The following LOXL2 variants were observed in gnomAD, a reference collection of about 807,000 sequenced individuals.
LOXL2 encodes lysyl oxidase like 2.
Under a neutral mutation model 93.0 loss-of-function variants are expected in LOXL2, and 70 were observed. That is an observed-to-expected ratio of 0.75 (90% CI 0.62 to 0.92). LOXL2 has a LOEUF of 0.92. Among genes scored for constraint, LOXL2 ranks in the 40% least tolerant of loss-of-function variants. The pLI is 0.00. For synonymous variants in LOXL2, 438 were observed against 413.2 expected, an observed-to-expected ratio of 1.06 and a Z score of -0.73; for missense variants, 973 against 1,054.9, an observed-to-expected ratio of 0.92 and a Z score of 1.08.
At chr8:23,346,438 A>C (rs1189530202) in intron 3 of LOXL2, among the ~76,000 whole-genome samples, 1 of 152,072 alleles carries the variant, frequency 6.6e-6, no homozygotes, top group Non-Finnish European at 1.5e-5. Flanking sequence ...AGTGATTTGC[A>C]CCCGTTCCTA....
intron 1 of LOXL2, among the ~76,000 whole-genome samples, chr8:23,385,071 CT>C (rs71210615): frequency 0.34 from 52,129 of 151,778 alleles, 9,217 homozygotes; most frequent in East Asian, 0.58. Flanking sequence ...TTTCCTTCAA[CT>C]ATGGATATAA....
intron 4 of LOXL2, among the ~76,000 whole-genome samples, chr8:23,334,075 C>A (rs774142945): frequency 6.6e-6 from 1 of 152,066 alleles, no homozygotes; most frequent in Non-Finnish European, 1.5e-5. Context: ...GACAGAGTCT[C>A]ACTCTATTCC....
intron 4 of LOXL2, chr8:23,337,446 G>A (rs1012830299): frequency 8.5e-5 from 13 of 152,182 alleles, no homozygotes; most frequent in African/African-American, 3.1e-4. Context: ...CGTGGGTGAG[G>A]AGGTCTTAAA....
intron 1 of LOXL2, among the ~76,000 whole-genome samples, chr8:23,389,325 AT>A (rs1305357903): frequency 6.6e-6 from 1 of 152,090 alleles, no homozygotes; most frequent in Non-Finnish European, 1.5e-5. Context: ...AGCTACTGAA[AT>A]TTTTTTCTTC....
chr8:23,403,695 G>C (rs1800180829), intron 1 of LOXL2, among the ~76,000 whole-genome samples: 1 of 151,986 alleles, frequency 6.6e-6, no homozygotes, highest in East Asian at 2.0e-4. Flanking sequence ...CAGGGACCCA[G>C]CGCCTCGCTC....
At chr8:23,327,221 C>T (rs757954114) in intron 6 of LOXL2, among the ~76,000 whole-genome samples, 1 of 152,226 alleles carries the variant, frequency 6.6e-6, no homozygotes, top group African/African-American at 2.4e-5. Context: ...ACCAATGGCA[C>T]TAGACAGATG....
At position 23,317,008 on chromosome 8, in the gene LOXL2, TC is replaced by T; in HGVS notation, c.1576del (p.Glu526ArgfsTer116). On this transcript the variant is annotated frameshift_variant, in exon 9 of 14. Coordinates refer to ENST00000389131, the MANE Select transcript of LOXL2 (RefSeq NM_002318.3). LOFTEE classifies it high-confidence loss of function. The stretch of plus-strand genomic sequence containing the variant: ...TCCGCCCTGGGGGCAGGCCACGTCC[TC>T]CCCGTCGTGGCGGCAGTGCGCCAGG... ...LSLAHCRHDG[E>X]DVACPQGGVQ... 6.2e-7 allele frequency: 1 copy of T among 1,614,122 alleles called. No individual in the cohort carries two copies. The highest frequency in any genetic ancestry group is 2.2e-5 in the East Asian group (1 of 44,880).
At chr8:23,383,657 GTTTTTTTTTTTT>G (rs968347697) in intron 1 of LOXL2, among the ~76,000 whole-genome samples, 6 of 22,266 alleles carry the variant, frequency 2.7e-4, no homozygotes, top group African/African-American at 1.0e-3. Flanking sequence ...TTTTTTTTTT[GTTTTTTTTTTTT>G]TTTTTTTTTG....
chr8:23,375,515 G>C (rs1208489249), intron 1 of LOXL2, among the ~76,000 whole-genome samples: 2 of 152,262 alleles, frequency 1.3e-5, no homozygotes, highest in Non-Finnish European at 2.9e-5. Context: ...GGATGGCATT[G>C]AATCTATAAA....
At chr8:23,346,095 A>ATTAAAT in intron 3 of LOXL2, among the ~76,000 whole-genome samples, 1 of 82,142 alleles carries the variant, frequency 1.2e-5, no homozygotes, top group African/African-American at 6.1e-5. Flanking sequence ...ATAAAATAAA[A>ATTAAAT]TAAAATAAAA....
intron 9 of LOXL2, 38 bp from the exon 10 acceptor site, chr8:23,309,949 C>G (rs750782859): frequency 1.4e-6 from 2 of 1,425,036 alleles, no homozygotes; most frequent in South Asian, 1.6e-5. Flanking sequence ...AGGCAAGAGA[C>G]CCCTCCCCAG....
Position 23,297,722 on chromosome 8 carries a change from C to CGCCGTGGCA in LOXL2, c.*320_*321insTGCCACGGC. On this transcript the variant is annotated 3_prime_UTR_variant, in exon 14 of 14. Transcript: ENST00000389131. ...ACTGTGTCTGTGGTGAGCTCGGTGG[C>CGCCGTGGCA]TTGAATGGGACAAGCTGATGACAAC... 1 of 211,652 alleles carries CGCCGTGGCA rather than the reference C, an allele frequency of 4.7e-6. No individual in the cohort carries two copies. Among genetic ancestry groups the CGCCGTGGCA allele is most frequent in the Non-Finnish European group, 9.2e-6 (1 of 108,772 alleles). The allele number at this position is 211,652 out of a possible 1,614,324, so 13.1% of individuals were successfully genotyped here.
At chr8:23,305,346 T>C (rs984424402) in intron 10 of LOXL2, among the ~76,000 whole-genome samples, 2 of 152,208 alleles carry the variant, frequency 1.3e-5, no homozygotes, top group African/African-American at 2.4e-5. Context: ...CTTCAGTTTT[T>C]CCCCTGCAAA....
chr8:23,353,986 A>G (rs1804140839), intron 3 of LOXL2, among the ~76,000 whole-genome samples: 1 of 152,154 alleles, frequency 6.6e-6, no homozygotes, highest in African/African-American at 2.4e-5. Context: ...AGGGGAATTT[A>G]CAAACTATCA....
chr8:23,347,581 C>A (rs993792368), intron 3 of LOXL2, among the ~76,000 whole-genome samples: 2 of 152,078 alleles, frequency 1.3e-5, no homozygotes, highest in South Asian at 4.1e-4. Flanking sequence ...ACCCAGGAGG[C>A]GGAGTTTGCA....
intron 1 of LOXL2, among the ~76,000 whole-genome samples, chr8:23,396,635 T>C (rs1800092155): frequency 6.6e-6 from 1 of 152,196 alleles, no homozygotes; most frequent in African/African-American, 2.4e-5. Context: ...TCATAACTAA[T>C]CTGTGATTAT....
At chr8:23,353,871 G>A (rs550567811) in intron 3 of LOXL2, among the ~76,000 whole-genome samples, 1 of 152,184 alleles carries the variant, frequency 6.6e-6, no homozygotes, top group Admixed American at 6.5e-5. Flanking sequence ...CAACTCACTC[G>A]ACACTTGCCC....
chr8:23,320,812 G>A (rs544223310), intron 7 of LOXL2, among the ~76,000 whole-genome samples: 2 of 152,290 alleles, frequency 1.3e-5, no homozygotes, highest in South Asian at 2.1e-4. Context: ...TACTCGGGAG[G>A]TGGGAGGATC....
intron 12 of LOXL2, among the ~76,000 whole-genome samples, chr8:23,301,250 T>C (rs1237854167): frequency 2.0e-5 from 3 of 152,174 alleles, no homozygotes; most frequent in Non-Finnish European, 4.4e-5. Flanking sequence ...AGATAAAGCT[T>C]CTGCAGGCTA....
Sources: allele counts gnomAD v4.1 joint callset (sites outside exome capture counted in the v4.1 genomes callset), GRCh38; gene constraint gnomAD v4.1.1; transcripts MANE v1.5; gene names NCBI Gene and HGNC (gene_info 2026-07-23, HGNC 2026-07-21).